The following APBB2 variants were observed in gnomAD, a reference collection of about 807,000 sequenced individuals.
The protein encoded by APBB2 is Fe65-like 1.
A neutral mutation model predicts 82.5 loss-of-function variants in APBB2; 38 were observed. The ratio of observed to expected loss-of-function variants is 0.46; its 90% CI spans 0.36 to 0.60. The LOEUF (loss-of-function observed/expected upper bound fraction) is 0.60. Ranked by LOEUF, APBB2 falls within the 20% of genes least tolerant of loss-of-function variation. The pLI is 0.00. For missense variants in APBB2, 772 were observed against 972.3 expected (o/e 0.79, Z 2.74); for synonymous variants, 341 against 368.2 (o/e 0.93, Z 0.85).
intron 12 of APBB2, among the ~76,000 whole-genome samples, chr4:40,870,303 G>A (rs1315942963): frequency 6.6e-6 from 1 of 152,194 alleles, no homozygotes; most frequent in Non-Finnish European, 1.5e-5. Flanking sequence ...CGCAGAGGGA[G>A]GGACAACATT....
chr4:40,957,734 C>G (rs1792057033), intron 6 of APBB2, among the ~76,000 whole-genome samples: 1 of 152,080 alleles, frequency 6.6e-6, no homozygotes, highest in African/African-American at 2.4e-5. Context: ...CAGGCGCCTA[C>G]CACCACGCCC....
intron 1 of APBB2, among the ~76,000 whole-genome samples, chr4:41,181,576 A>G (rs1313226291): frequency 6.6e-6 from 1 of 152,184 alleles, no homozygotes; most frequent in Non-Finnish European, 1.5e-5. Flanking sequence ...TGTAAGCCTA[A>G]CACACTCTTA....
intron 6 of APBB2, among the ~76,000 whole-genome samples, chr4:40,992,975 C>G (rs1426791298): frequency 6.6e-6 from 1 of 152,220 alleles, no homozygotes; most frequent in Non-Finnish European, 1.5e-5. Flanking sequence ...CGTAGTCCCT[C>G]TTTTACTCTC....
chr4:40,933,655 T>G (rs1216341852), intron 10 of APBB2, among the ~76,000 whole-genome samples: 1 of 152,110 alleles, frequency 6.6e-6, no homozygotes, highest in East Asian at 1.9e-4. Context: ...AGTCTCTACG[T>G]AGGGAGGGAG....
intron 1 of APBB2, among the ~76,000 whole-genome samples, chr4:41,166,605 A>C (rs1766707927): frequency 6.7e-6 from 1 of 149,004 alleles, no homozygotes; most frequent in African/African-American, 2.5e-5. Flanking sequence ...AAGAAAAGAA[A>C]AGCCGGGTGC....
chr4:41,105,620 C>T (rs1180837326), intron 2 of APBB2, among the ~76,000 whole-genome samples: 4 of 152,202 alleles, frequency 2.6e-5, no homozygotes, highest in South Asian at 2.1e-4. Context: ...CGCAGTGGCT[C>T]ACGCCTGTAA....
intron 12 of APBB2, among the ~76,000 whole-genome samples, chr4:40,837,983 C>T (rs958733276): frequency 6.6e-6 from 1 of 151,980 alleles, no homozygotes; most frequent in Admixed American, 6.6e-5. Flanking sequence ...AGTGTTAATA[C>T]ATCTTATCTG....
chr4:41,046,594 T>A (rs1008371267), intron 4 of APBB2, among the ~76,000 whole-genome samples: 3 of 149,606 alleles, frequency 2.0e-5, no homozygotes, highest in Non-Finnish European at 3.0e-5. Context: ...TTCTCCAGTT[T>A]AAAAAAAAAA....
intron 6 of APBB2, among the ~76,000 whole-genome samples, chr4:40,957,614 G>A (rs547015551): frequency 5.5e-5 from 8 of 145,498 alleles, no homozygotes; most frequent in African/African-American, 1.5e-4. Context: ...GCGGAGTTTC[G>A]CTCTTGTTGC....
chr4:40,969,502 G>A (rs1433167141), intron 6 of APBB2, among the ~76,000 whole-genome samples: 3 of 152,164 alleles, frequency 2.0e-5, no homozygotes, highest in Admixed American at 6.5e-5. Context: ...AGATGAATTT[G>A]TATAAGTGTA....
intron 12 of APBB2, among the ~76,000 whole-genome samples, chr4:40,841,096 G>A (rs1184681651): frequency 6.6e-6 from 1 of 152,098 alleles, no homozygotes; most frequent in Non-Finnish European, 1.5e-5. Context: ...AGGTGTCACC[G>A]CCCACTCTAT....
intron 2 of APBB2, among the ~76,000 whole-genome samples, chr4:41,121,047 C>T (rs1752654699): frequency 6.6e-6 from 1 of 152,176 alleles, no homozygotes; most frequent in African/African-American, 2.4e-5. Flanking sequence ...CTGAATGGTA[C>T]TTCTGTGTCT....
chr4:40,898,128 T>C (rs1774221690), intron 10 of APBB2, among the ~76,000 whole-genome samples: 1 of 152,190 alleles, frequency 6.6e-6, no homozygotes, highest in African/African-American at 2.4e-5. Context: ...TAAGTCTCAG[T>C]CTCTTCATCT....
intron 1 of APBB2, among the ~76,000 whole-genome samples, chr4:41,209,184 T>G (rs999937664): frequency 2.0e-5 from 3 of 152,132 alleles, no homozygotes; most frequent in Non-Finnish European, 4.4e-5. Context: ...TCACTCTCCC[T>G]TTATTAAAAA....
intron 12 of APBB2, among the ~76,000 whole-genome samples, chr4:40,858,281 C>T (rs932127837): frequency 3.3e-5 from 5 of 151,998 alleles, no homozygotes; most frequent in African/African-American, 1.2e-4. Context: ...ACTGAAAGTA[C>T]TTCCTCTTTC....
rs1300345357 is a variant in APBB2 at position 40,861,654 on chromosome 4, C to T, written c.1529+28710G>A. Among the ~76,000 whole-genome samples the T allele has an allele frequency of 3.9e-5, 6 of 152,224 alleles. No homozygotes were observed. The East Asian group carries it at 7.7e-4, about 20-fold the overall frequency. ...GGCTTGTACAGAAAAGGTACACAAA[C>T]GGTGTTTATGGAATGAAGGCAGTTT... On this transcript the variant is annotated intron_variant, in intron 12 of 17. Transcript: ENST00000508593.
chr4:41,098,040 TC>T (rs1178386916), intron 3 of APBB2, among the ~76,000 whole-genome samples: 1 of 150,084 alleles, frequency 6.7e-6, no homozygotes, highest in Non-Finnish European at 1.5e-5. Flanking sequence ...CCCATTAACT[TC>T]CATGTAACTT....
chr4:40,989,026 G>A (rs1801249522), intron 6 of APBB2, among the ~76,000 whole-genome samples: 1 of 152,096 alleles, frequency 6.6e-6, no homozygotes, highest in African/African-American at 2.4e-5. Flanking sequence ...TCCCAAGAGT[G>A]AGGATTACAG....
At chr4:41,065,843 G>T (rs956273185) in intron 3 of APBB2, among the ~76,000 whole-genome samples, 170 bp from the exon 4 acceptor site, 1 of 150,160 alleles carries the variant, frequency 6.7e-6, no homozygotes, top group African/African-American at 2.5e-5. Flanking sequence ...CCCTGTCACC[G>T]CAGGCAGGCC....
Sources: allele counts gnomAD v4.1 joint callset (sites outside exome capture counted in the v4.1 genomes callset), GRCh38; gene constraint gnomAD v4.1.1; transcripts MANE v1.5; gene names NCBI Gene and HGNC (gene_info 2026-07-23, HGNC 2026-07-21).